SPRED2: variants seen among roughly 807,000 people sequenced by gnomAD.
SPRED2 encodes the protein sprouty related EVH1 domain containing 2.
SPRED2 carries 47 observed loss-of-function variants against 43.0 expected under a neutral mutation model. That is an observed-to-expected ratio of 1.09 (90% CI 0.87 to 1.40). SPRED2 has a LOEUF of 1.40. Among genes scored for constraint, SPRED2 ranks in the 40% most tolerant of loss-of-function variants. The pLI, the probability that SPRED2 is intolerant of heterozygous loss-of-function variation, is 0.00. For synonymous variants in SPRED2, 225 were observed against 225.7 expected, an observed-to-expected ratio of 1.00 and a Z score of 0.03; for missense variants, 561 against 586.4, an observed-to-expected ratio of 0.96 and a Z score of 0.45.
intron 2 of SPRED2, among the ~76,000 whole-genome samples, chr2:65,340,138 TA>T (rs1674136601): frequency 6.6e-6 from 1 of 152,236 alleles, no homozygotes; most frequent in Non-Finnish European, 1.5e-5. Flanking sequence ...ACTGTTTAAT[TA>T]AAAGTTTTAA....
intron 1 of SPRED2, among the ~76,000 whole-genome samples, chr2:65,348,259 T>C (rs1457552860): frequency 6.6e-6 from 1 of 152,190 alleles, no homozygotes; most frequent in Non-Finnish European, 1.5e-5. Context: ...GCCCACTCTA[T>C]ATAAAGCAGC....
Position 65,312,029 on chromosome 2 carries a change from G to C in SPRED2, c.*1472C>G. 1.0e-6 allele frequency: 1 copy of C among 985,436 alleles called. No individual in the cohort carries two copies. The highest frequency in any genetic ancestry group is 1.2e-6 in the Non-Finnish European group (1 of 829,942). 61.0% of individuals were successfully genotyped at this position (985,436 alleles called of 1,614,324 possible). ...GGCGTCCGCAAGCCTGTCCCCGGTG[G>C]TCTCCACGAGGTTCTGATTGTACTA... On this transcript the variant is annotated 3_prime_UTR_variant, in exon 6 of 6. Transcript: ENST00000356388.
intron 1 of SPRED2, among the ~76,000 whole-genome samples, chr2:65,376,111 A>G (rs1489184680): frequency 6.6e-6 from 1 of 152,200 alleles, no homozygotes; most frequent in Non-Finnish European, 1.5e-5. Context: ...TCCTCCGAAG[A>G]AAGAAGACAG....
At chr2:65,371,804 G>A (rs941471105) in intron 1 of SPRED2, among the ~76,000 whole-genome samples, 11 of 152,184 alleles carry the variant, frequency 7.2e-5, no homozygotes, top group Middle Eastern at 6.8e-3. Flanking sequence ...AACCGGGCGC[G>A]GTGGCTCACG....
downstream of SPRED2, among the ~76,000 whole-genome samples, chr2:65,310,435 C>G (rs1287650643): frequency 6.7e-6 from 1 of 149,622 alleles, no homozygotes; most frequent in Non-Finnish European, 1.5e-5. Flanking sequence ...CAATTGTTTT[C>G]TGCGAGAAAT....
rs1668900265 is a variant in SPRED2, at chr2:65,432,253, G to C, written c.-266C>G. Reference sequence around the variant, plus strand: ...GCGGAGGCTCCGGGGGCTCGGGAGCGGGCAGAGGGGGCGAGATTTGGGAAG... The same window carrying C: ...GCGGAGGCTCCGGGGGCTCGGGAGCCGGCAGAGGGGGCGAGATTTGGGAAG... On this transcript the variant is annotated 5_prime_UTR_variant, in exon 1 of 6. Transcript: ENST00000356388. 2 of 513,394 alleles carry C rather than the reference G, an allele frequency of 3.9e-6. No homozygotes were observed. Among genetic ancestry groups the C allele is most frequent in the Non-Finnish European group, 7.1e-6 (2 of 283,600 alleles). The allele number at this position is 513,394 out of a possible 1,614,324, so 31.8% of individuals were successfully genotyped here.
intron 1 of SPRED2, among the ~76,000 whole-genome samples, chr2:65,399,795 T>C (rs1050462230): frequency 6.6e-6 from 1 of 152,138 alleles, no homozygotes; most frequent in Non-Finnish European, 1.5e-5. Context: ...ATAAGAATCA[T>C]ACATTGGACT....
At chr2:65,376,452 A>G (rs191399956) in intron 1 of SPRED2, among the ~76,000 whole-genome samples, 12 of 152,218 alleles carry the variant, frequency 7.9e-5, no homozygotes, top group Admixed American at 5.2e-4. Context: ...TTTCTTTTTA[A>G]TTTTATTAAT....
intron 1 of SPRED2, among the ~76,000 whole-genome samples, chr2:65,364,073 T>G (rs921886586): frequency 6.6e-6 from 1 of 152,164 alleles, no homozygotes; most frequent in Non-Finnish European, 1.5e-5. Context: ...ATCAAATGGA[T>G]TTTTGAGTAG....
intron 1 of SPRED2, among the ~76,000 whole-genome samples, chr2:65,401,934 C>CGTGCGCGT (rs1231973857): frequency 2.8e-5 from 3 of 108,318 alleles, no homozygotes; most frequent in Non-Finnish European, 5.4e-5. Flanking sequence ...TTAGCGCGCG[C>CGTGCGCGT]GCGCACACAC....
intron 3 of SPRED2, among the ~76,000 whole-genome samples, chr2:65,332,938 T>G (rs1673856668): frequency 6.6e-6 from 1 of 152,218 alleles, no homozygotes; most frequent in Admixed American, 6.5e-5. Context: ...TATCTTTTCC[T>G]TTTCTTGGTT....
At chr2:65,307,238 C>T (rs898707198), downstream of SPRED2, among the ~76,000 whole-genome samples, 1 of 152,116 alleles carries the variant, frequency 6.6e-6, no homozygotes, top group Non-Finnish European at 1.5e-5. Flanking sequence ...CGCTGTTGCC[C>T]AGGCTGGAGT....
intron 1 of SPRED2, among the ~76,000 whole-genome samples, chr2:65,412,124 CAA>C (rs200980989): frequency 1.9e-5 from 2 of 106,218 alleles, no homozygotes; most frequent in African/African-American, 3.5e-5. Context: ...GAGACTGTCT[CAA>C]AAAAAAAAAA....
At chr2:65,342,220 ACG>A (rs1674208158) in intron 2 of SPRED2, among the ~76,000 whole-genome samples, 3 of 147,002 alleles carry the variant, frequency 2.0e-5, no homozygotes, top group Admixed American at 6.8e-5. Context: ...TATTTTGTAT[ACG>A]TATATTATGT....
At chr2:65,404,060 C>T (rs188202970) in intron 1 of SPRED2, among the ~76,000 whole-genome samples, 17 of 152,206 alleles carry the variant, frequency 1.1e-4, no homozygotes, top group African/African-American at 3.9e-4. Context: ...CAAAAACTAG[C>T]TGGGCATGGT....
chr2:65,329,576 T>C (rs1213310999), intron 4 of SPRED2, among the ~76,000 whole-genome samples: 1 of 152,136 alleles, frequency 6.6e-6, no homozygotes, highest in Admixed American at 6.5e-5. Flanking sequence ...TAGCCTAGAG[T>C]AGCACATGGA....
intron 4 of SPRED2, among the ~76,000 whole-genome samples, chr2:65,324,105 T>C (rs1443018357): frequency 5.4e-5 from 8 of 147,832 alleles, no homozygotes; most frequent in African/African-American, 1.0e-4. Context: ...TCTAGATGGG[T>C]AGACCAGAGG....
At chr2:65,374,998 T>C (rs1489235362) in intron 1 of SPRED2, among the ~76,000 whole-genome samples, 2 of 152,174 alleles carry the variant, frequency 1.3e-5, no homozygotes, top group Non-Finnish European at 2.9e-5. Context: ...GTGTGGCAGA[T>C]GAGTGTTTTA....
downstream of SPRED2, chr2:65,308,682 G>T: frequency 3.9e-6 from 2 of 514,708 alleles, no homozygotes; most frequent in Non-Finnish European, 5.0e-6. Flanking sequence ...GCTGAGGGTA[G>T]GTATTATCCC....
Sources: allele counts gnomAD v4.1 joint callset (sites outside exome capture counted in the v4.1 genomes callset), GRCh38; gene constraint gnomAD v4.1.1; transcripts MANE v1.5; gene names NCBI Gene and HGNC (gene_info 2026-07-23, HGNC 2026-07-21).